The following INPP5A variants were observed in gnomAD, a reference collection of about 807,000 sequenced individuals.
INPP5A encodes the protein inositol polyphosphate-5-phosphatase A.
In INPP5A, 14 loss-of-function variants were observed where a neutral mutation model predicts 65.2. The observed-to-expected ratio is 0.21, with a 90% CI of 0.14 to 0.34. The LOEUF (loss-of-function observed/expected upper bound fraction) is 0.34. Ranked by LOEUF, INPP5A falls within the 10% of genes least tolerant of loss-of-function variation. The pLI is 1.00. For synonymous variants in INPP5A, 207 were observed against 208.3 expected (o/e 0.99, Z 0.05); for missense variants, 431 against 545.6 (o/e 0.79, Z 2.09).
chr10:132,628,829 C>T (rs560177401), intron 2 of INPP5A, among the ~76,000 whole-genome samples: 1 of 152,270 alleles, frequency 6.6e-6, no homozygotes, highest in East Asian at 1.9e-4. Flanking sequence ...GTGCATATGT[C>T]ATTTCAAAGT....
chr10:132,726,790 C>T, intron 8 of INPP5A, 31 bp from the exon 9 acceptor site: 1 of 1,544,068 alleles, frequency 6.5e-7, no homozygotes, highest in Non-Finnish European at 8.9e-7. Context: ...GCTTCAGCGC[C>T]CTCGGTAACA....
In INPP5A at chr10:132,555,584, A is replaced by G. The variant is rs2071115993; in HGVS notation, c.75+17413A>G. ...GGGCCGTCCTGACTCGCCTCCTGAG[A>G]GCCGTGGGTCACAAACTCAAATGCA... On this transcript the variant is annotated intron_variant, in intron 1 of 15. Transcript: ENST00000368594. This position sits in a 1 kb window ranked among gnomAD's most constrained non-coding sequence, Gnocchi z 4.4. 6.6e-6 allele frequency among the ~76,000 whole-genome samples: 1 copy of G among 152,114 alleles called. No individual in the cohort carries two copies. Among genetic ancestry groups the G allele is most frequent in the African/African-American group, 2.4e-5 (1 of 41,392 alleles).
In INPP5A at chr10:132,782,548, C is replaced by T. The variant is rs534441415; in HGVS notation, c.*519C>T. The T allele has an allele frequency of 1.6e-4, 25 of 154,730 alleles. No homozygotes were observed. The South Asian group carries it at 4.0e-3, about 25-fold the overall frequency. 9.6% of individuals were successfully genotyped at this position (154,730 alleles called of 1,614,324 possible). On this transcript the variant is annotated 3_prime_UTR_variant, in exon 16 of 16. Coordinates refer to ENST00000368594, the MANE Select transcript of INPP5A (RefSeq NM_005539.5). This position sits in a 1 kb window ranked among gnomAD's most constrained non-coding sequence, Gnocchi z 4.4. ...TCCTTCCGCGGCACTGACTCTGCGC[C>T]GTGTCACATGGTTTTTGAATCACAC...
chr10:132,696,899 C>T (rs969465220), intron 5 of INPP5A, among the ~76,000 whole-genome samples: 1 of 152,224 alleles, frequency 6.6e-6, no homozygotes, highest in African/African-American at 2.4e-5. Flanking sequence ...CTGCCCACCC[C>T]AGTGGTGACC....
At chr10:132,720,151 G>T (rs1845839017) in intron 8 of INPP5A, among the ~76,000 whole-genome samples, 2 of 150,422 alleles carry the variant, frequency 1.3e-5, no homozygotes, top group Admixed American at 1.3e-4. Context: ...TGTCTTCAGG[G>T]TTCTGTGGTA....
chr10:132,564,569 C>G (rs977618530), intron 1 of INPP5A, among the ~76,000 whole-genome samples: 4 of 152,134 alleles, frequency 2.6e-5, no homozygotes, highest in Admixed American at 6.5e-5. Flanking sequence ...AATGGAGGGT[C>G]GTTTCCAACA....
At chr10:132,633,862 A>G (rs564894380) in intron 2 of INPP5A, among the ~76,000 whole-genome samples, 21 of 152,368 alleles carry the variant, frequency 1.4e-4, no homozygotes, top group Admixed American at 5.2e-4. Context: ...TTTCAAGCCC[A>G]TATAAACATG....
Position 132,547,086 on chromosome 10 carries a change from C to G in INPP5A, c.75+8915C>G, listed in dbSNP as rs1394657918. Among the ~76,000 whole-genome samples the G allele has an allele frequency of 6.6e-6, 1 of 152,258 alleles. No individual in the cohort carries two copies. Among genetic ancestry groups the G allele is most frequent in the African/African-American group, 2.4e-5 (1 of 41,474 alleles). On this transcript the variant is annotated intron_variant, in intron 1 of 15. Coordinates refer to ENST00000368594, the MANE Select transcript of INPP5A (RefSeq NM_005539.5). The surrounding 1 kb of genome is among the most constrained non-coding windows in gnomAD (Gnocchi z 5.5). ...GCCCAAGTCCCTGTGGAGAGGAAAT[C>G]CCGCCTTCAGTGCCAGGTGCCAGGC...
At position 132,686,179 on chromosome 10, in the gene INPP5A, C is replaced by T. The variant is rs140825877; in HGVS notation, c.307-4213C>T. Among the ~76,000 whole-genome samples the T allele has an allele frequency of 7.6e-3, 1,151 of 152,306 alleles. 9 individuals carry two copies. The highest frequency in any genetic ancestry group is 0.014 in the Non-Finnish European group (938 of 68,034). The stretch of plus-strand genomic sequence containing the variant: ...ATCTCCTGTGTGGCCCGCACCGGAT[C>T]GACTTTTCGGTGCCCCAGGGGCTTG... On this transcript the variant is annotated intron_variant, in intron 4 of 15. Coordinates refer to ENST00000368594, the MANE Select transcript of INPP5A (RefSeq NM_005539.5).
At chr10:132,543,021 C>T (rs1014873414) in intron 1 of INPP5A, among the ~76,000 whole-genome samples, 1 of 151,902 alleles carries the variant, frequency 6.6e-6, no homozygotes, top group Non-Finnish European at 1.5e-5. Flanking sequence ...GTTGCCCAGA[C>T]TGGGCTCAAA....
At chr10:132,641,775 T>C (rs1387190082) in intron 2 of INPP5A, among the ~76,000 whole-genome samples, 1 of 152,270 alleles carries the variant, frequency 6.6e-6, no homozygotes, top group African/African-American at 2.4e-5. Context: ...AAAGATCTTA[T>C]CATTTTGATA....
rs376694651 is a variant in INPP5A, at chr10:132,697,862, C to T, written c.417C>T (p.Thr139=). Residue 139 remains threonine (T), a synonymous_variant, in exon 6 of 16, where the codon ACC becomes ACT. Coordinates refer to ENST00000368594, the MANE Select transcript of INPP5A (RefSeq NM_005539.5). The surrounding 1 kb of genome is among the most constrained non-coding windows in gnomAD (Gnocchi z 5.6). ...KVAGKEIYSD[T]LESTPMLEKE... ...CTGGCAAAGAGATCTACTCGGATAC[C>T]TTAGAGAGCACGCCCATGCTGGAGA... 1.8e-5 allele frequency: 29 copies of T among 1,613,890 alleles called. 1 individual carries two copies. The highest frequency in any genetic ancestry group is 1.8e-4 in the East Asian group (8 of 44,888).
intron 1 of INPP5A, among the ~76,000 whole-genome samples, chr10:132,578,702 G>A (rs545585793): frequency 2.0e-5 from 3 of 151,420 alleles, no homozygotes; most frequent in African/African-American, 7.3e-5. Flanking sequence ...CGAGCTCCAG[G>A]ACACCCAGAA....
chr10:132,696,994 C>T (rs1418013651), intron 5 of INPP5A, among the ~76,000 whole-genome samples: 1 of 152,238 alleles, frequency 6.6e-6, no homozygotes, highest in Non-Finnish European at 1.5e-5. Context: ...ACCCCAGAAA[C>T]TGCAGGTTGG....
chr10:132,623,166 C>G (rs917161126), intron 2 of INPP5A, among the ~76,000 whole-genome samples: 6 of 152,100 alleles, frequency 3.9e-5, no homozygotes, highest in African/African-American at 1.2e-4. Context: ...CACAGGAAAG[C>G]AAAAGAACTA....
intron 3 of INPP5A, among the ~76,000 whole-genome samples, chr10:132,646,937 CAGTGTG>C (rs2133393249): frequency 6.6e-6 from 1 of 152,316 alleles, no homozygotes; most frequent in East Asian, 1.9e-4. Context: ...GGCCTGGTGC[CAGTGTG>C]AGTGTGAGCG....
chr10:132,692,549 A>AGATTCCTTATAGGCGAGGT (rs1448035809), intron 5 of INPP5A, among the ~76,000 whole-genome samples: 2 of 152,348 alleles, frequency 1.3e-5, no homozygotes, highest in African/African-American at 2.4e-5. Context: ...AGAATCCAGG[A>AGATTCCTTATAGGCGAGGT]GATTCCTTAT....
At chr10:132,635,999 A>G (rs1455317109) in intron 2 of INPP5A, among the ~76,000 whole-genome samples, 1 of 151,898 alleles carries the variant, frequency 6.6e-6, no homozygotes, top group Admixed American at 6.6e-5. Context: ...AAAAAAAAAA[A>G]AAGGCATATT....
chr10:132,670,034 A>G (rs967362202), intron 4 of INPP5A, among the ~76,000 whole-genome samples: 3 of 57,572 alleles, frequency 5.2e-5, no homozygotes, highest in Non-Finnish European at 7.1e-5. Flanking sequence ...CCACACCCCC[A>G]GCCCCCATGC....
Sources: gnomAD v4.1 joint callset for allele counts (sites outside exome capture counted in the v4.1 genomes callset) on GRCh38, gnomAD v4.1.1 for gene constraint, Gnocchi (gnomAD v3.1) non-coding constraint, MANE v1.5 for transcripts, NCBI Gene and HGNC (gene_info 2026-07-23, HGNC 2026-07-21) for gene names.